GRIK5: variants seen among roughly 807,000 people sequenced by gnomAD.
GRIK5 encodes the protein glutamate receptor ionotropic, kainate 5.
In GRIK5, 43 loss-of-function variants were observed where a neutral mutation model predicts 97.4. The ratio of observed to expected loss-of-function variants is 0.44; its 90% CI spans 0.35 to 0.57. GRIK5 has a LOEUF of 0.57. Among genes scored for constraint, GRIK5 ranks in the 20% least tolerant of loss-of-function variants. The pLI is 0.01. For synonymous variants in GRIK5, 580 were observed against 583.5 expected, an observed-to-expected ratio of 0.99 and a Z score of 0.09; for missense variants, 1,015 against 1,382.0, an observed-to-expected ratio of 0.73 and a Z score of 4.21.
chr19:42,003,648 G>A lies in GRIK5; in HGVS notation c.2299C>T (p.Leu767=). The change falls in exon 18 of 20, where the codon CTG becomes TTG. Residue 767 remains leucine (L), a synonymous_variant. Transcript: ENST00000593562. This position sits in a 1 kb window ranked among gnomAD's most constrained non-coding sequence, Gnocchi z 4.2. ...AGCCGGTTGTTCTCCTGAAGCTGCA[G>A]GATGGCCAGTGTGATCTCATCCCGG... is the stretch of plus-strand genomic sequence containing the variant. ...PFRDEITLAI[L]QLQENNRLEI... The A allele has an allele frequency of 6.2e-7, 1 of 1,613,724 alleles. No homozygotes were observed. The highest frequency in any genetic ancestry group is 1.1e-5 in the South Asian group (1 of 91,004).
chr19:42,067,799 G>A (rs76111068), intron 1 of GRIK5, among the ~76,000 whole-genome samples: 2,843 of 152,272 alleles, frequency 0.019, 79 homozygotes, highest in African/African-American at 0.064. Context: ...GACAGACACA[G>A]CCTAGAAGTG....
At chr19:42,060,055 T>C (rs1222617365) in intron 5 of GRIK5, among the ~76,000 whole-genome samples, 2 of 152,032 alleles carry the variant, frequency 1.3e-5, no homozygotes, top group African/African-American at 4.8e-5. Context: ...GCCAGAATGA[T>C]ACGGGTCAGA....
At chr19:42,039,048 C>T (rs962312459) in intron 12 of GRIK5, among the ~76,000 whole-genome samples, 11 of 152,184 alleles carry the variant, frequency 7.2e-5, no homozygotes, top group African/African-American at 2.7e-4. Context: ...GCTCTTTAGC[C>T]CTTCCCCTAG....
intron 11 of GRIK5, among the ~76,000 whole-genome samples, chr19:42,048,968 G>A (rs974880543): frequency 2.0e-5 from 3 of 152,114 alleles, no homozygotes; most frequent in African/African-American, 7.2e-5. Flanking sequence ...CTGGAGCCTG[G>A]AGGTCGAAGC....
Position 42,021,825 on chromosome 19 carries a change from G to A in GRIK5, c.1697+122C>T. ...ACAAAACTGAGAAAGGAGGGCACAG[G>A]GAATCCGAGGCCCCAAAGGGGAGGC... is the stretch of plus-strand genomic sequence containing the variant. On this transcript the variant is annotated intron_variant, in intron 14 of 19. Transcript: ENST00000593562. This position sits in a 1 kb window ranked among gnomAD's most constrained non-coding sequence, Gnocchi z 4.2. 4.6e-6 allele frequency: 3 copies of A among 648,462 alleles called. No homozygotes were observed. Among genetic ancestry groups the A allele is most frequent in the Non-Finnish European group, 8.3e-6 (3 of 362,178 alleles). 40.2% of individuals were successfully genotyped at this position (648,462 alleles called of 1,614,324 possible). A position where few individuals can be genotyped will look rare whatever the true frequency, so the allele number is the denominator to read the frequency against.
At chr19:42,027,032 C>T (rs918406320) in intron 12 of GRIK5, among the ~76,000 whole-genome samples, 1 of 152,200 alleles carries the variant, frequency 6.6e-6, no homozygotes, top group Non-Finnish European at 1.5e-5. Context: ...ACAGCCTCAT[C>T]CCCTACCATC....
Position 42,069,542 on chromosome 19 carries a change from G to A in GRIK5, c.-352C>T, listed in dbSNP as rs2076394076. The A allele has an allele frequency of 1.5e-5, 2 of 135,708 alleles. No individual in the cohort carries two copies. Among genetic ancestry groups the A allele is most frequent in the Admixed American group, 1.5e-4 (2 of 13,372 alleles). 8.4% of individuals were successfully genotyped at this position (135,708 alleles called of 1,614,324 possible). A position where few individuals can be genotyped will look rare whatever the true frequency, so the allele number is the denominator to read the frequency against. On this transcript the variant is annotated 5_prime_UTR_variant, in exon 1 of 20. Coordinates refer to ENST00000593562, the MANE Select transcript of GRIK5 (RefSeq NM_002088.5). Reference sequence around the variant, plus strand: ...GAGCAAATGGAGGGGAAGGAGGGAGGAAAGGAGGAGAGGAAGGTGAAAACG... The same window carrying A: ...GAGCAAATGGAGGGGAAGGAGGGAGAAAAGGAGGAGAGGAAGGTGAAAACG...
intron 19 of GRIK5, among the ~76,000 whole-genome samples, chr19:42,000,672 C>T (rs2075416530): frequency 1.3e-5 from 2 of 152,174 alleles, no homozygotes; most frequent in Middle Eastern, 3.2e-3. Flanking sequence ...CCCGCGTCCA[C>T]GCCCCTGTGT....
intron 5 of GRIK5, among the ~76,000 whole-genome samples, chr19:42,059,777 T>C (rs759206624): frequency 2.0e-5 from 3 of 152,116 alleles, no homozygotes; most frequent in African/African-American, 7.2e-5. Context: ...GACCCCTCAT[T>C]GGGTGTCTTG....
At chr19:42,016,288 G>A (rs554996259) in intron 15 of GRIK5, among the ~76,000 whole-genome samples, 1 of 152,324 alleles carries the variant, frequency 6.6e-6, no homozygotes, top group East Asian at 1.9e-4. Context: ...AGACGTGGTG[G>A]CTGGCACCTG....
chr19:42,047,858 C>T (rs945476123), intron 11 of GRIK5, among the ~76,000 whole-genome samples: 5 of 150,606 alleles, frequency 3.3e-5, no homozygotes, highest in Non-Finnish European at 5.9e-5. Flanking sequence ...GTAATCCCAG[C>T]TACTGGGGAG....
intron 15 of GRIK5, among the ~76,000 whole-genome samples, chr19:42,012,186 T>TTACATA (rs1305950092): frequency 1.1e-4 from 16 of 152,114 alleles, no homozygotes; most frequent in Non-Finnish European, 2.2e-4. Context: ...AGAATGGCTT[T>TTACATA]TACATATACA....
intron 11 of GRIK5, among the ~76,000 whole-genome samples, chr19:42,050,835 G>A (rs997819010): frequency 1.3e-5 from 2 of 151,866 alleles, no homozygotes; most frequent in Admixed American, 6.6e-5. Flanking sequence ...ATGAGCACAG[G>A]GCTTGGCACA....
chr19:42,042,765 C>T lies in GRIK5; in HGVS notation c.1270-10G>A, dbSNP rs371803234. The T allele has an allele frequency of 5.6e-5, 90 of 1,606,864 alleles. No homozygotes were observed. Among genetic ancestry groups the T allele is most frequent in the Non-Finnish European group, 7.0e-5 (82 of 1,175,442 alleles). On this transcript the variant is annotated splice_polypyrimidine_tract_variant and intron_variant, in intron 11 of 19. Coordinates refer to ENST00000593562, the MANE Select transcript of GRIK5 (RefSeq NM_002088.5). The surrounding 1 kb of genome is among the most constrained non-coding windows in gnomAD (Gnocchi z 6.9). Reference sequence around the variant, plus strand: ...TGACGTATGGGTTCTCCTGGGTGGGCAGAAGAAAGCAGGGGTCAGAGGCTG... The same window carrying T: ...TGACGTATGGGTTCTCCTGGGTGGGTAGAAGAAAGCAGGGGTCAGAGGCTG...
Position 42,011,143 on chromosome 19 carries a change from C to A in GRIK5, c.1872-4333G>T, listed in dbSNP as rs2075556948. Among the ~76,000 whole-genome samples the A allele has an allele frequency of 2.0e-5, 3 of 149,842 alleles. No individual in the cohort carries two copies. In the Middle Eastern group the frequency reaches 0.01, roughly 517 times the overall value. ...CACACACACACACACACACACACAC[C>A]CCTAATGTATTGTGGGGTTCATAAG... On this transcript the variant is annotated intron_variant, in intron 15 of 19. Coordinates refer to ENST00000593562, the MANE Select transcript of GRIK5 (RefSeq NM_002088.5).
Position 42,056,993 on chromosome 19 carries a change from A to G in GRIK5, c.688-15T>C. ...AGTTCCGAGGCCTGGAAAACACAGG[A>G]GGCAAAGAGGCAGAGTGAGAGACAG... On this transcript the variant is annotated splice_polypyrimidine_tract_variant and intron_variant, in intron 6 of 19. Coordinates refer to ENST00000593562, the MANE Select transcript of GRIK5 (RefSeq NM_002088.5). The G allele has an allele frequency of 6.5e-7, 1 of 1,548,620 alleles. No homozygotes were observed. Among genetic ancestry groups the G allele is most frequent in the South Asian group, 1.2e-5 (1 of 84,098 alleles).
At chr19:42,040,786 G>A (rs908318478) in intron 12 of GRIK5, among the ~76,000 whole-genome samples, 4 of 152,116 alleles carry the variant, frequency 2.6e-5, no homozygotes, top group African/African-American at 7.2e-5. Context: ...CCCGGGAGGT[G>A]GAGGTTGCAG....
In GRIK5 at chr19:42,064,798, C is replaced by T. The variant is rs535333726; in HGVS notation, c.244+425G>A. ...CACTTCCACACCCCTGTGATGTGGCCGGCCGTGCTTGGAGCCACGCCACTC... is the reference window on the plus strand; with the variant it reads ...CACTTCCACACCCCTGTGATGTGGCTGGCCGTGCTTGGAGCCACGCCACTC... On this transcript the variant is annotated intron_variant, in intron 3 of 19. Coordinates refer to ENST00000593562, the MANE Select transcript of GRIK5 (RefSeq NM_002088.5). Among the ~76,000 whole-genome samples, 29 of 152,300 alleles carry T rather than the reference C, an allele frequency of 1.9e-4. No homozygotes were observed. In the East Asian group the frequency reaches 4.8e-3, roughly 25 times the overall value.
intron 12 of GRIK5, among the ~76,000 whole-genome samples, chr19:42,032,423 C>T (rs984767510): frequency 6.6e-6 from 1 of 152,184 alleles, no homozygotes; most frequent in Non-Finnish European, 1.5e-5. Flanking sequence ...AGCCATTTGG[C>T]AGTATACACT....
Sources: gnomAD v4.1 joint callset for allele counts (sites outside exome capture counted in the v4.1 genomes callset) on GRCh38, gnomAD v4.1.1 for gene constraint, Gnocchi (gnomAD v3.1) non-coding constraint, MANE v1.5 for transcripts, NCBI Gene and HGNC (gene_info 2026-07-23, HGNC 2026-07-21) for gene names.